The following ERAP2 variants were observed in gnomAD, a reference collection of about 807,000 sequenced individuals.
ERAP2 encodes the protein endoplasmic reticulum aminopeptidase 2, also known as leukocyte-derived arginine aminopeptidase.
A neutral mutation model predicts 111.1 loss-of-function variants in ERAP2; 118 were observed. The observed-to-expected ratio is 1.06, with a 90% CI of 0.92 to 1.24. ERAP2 has a LOEUF of 1.24. Among genes scored for constraint, ERAP2 ranks in the 50% most tolerant of loss-of-function variants. The pLI is 0.00. For missense variants in ERAP2, 1,131 were observed against 1,125.8 expected (o/e 1.00, Z -0.07); for synonymous variants, 410 against 401.2 (o/e 1.02, Z -0.26).
intron 18 of ERAP2, among the ~76,000 whole-genome samples, chr5:96,916,751 A>T (rs1223761476): frequency 1.4e-5 from 2 of 143,190 alleles, no homozygotes; most frequent in Non-Finnish European, 3.0e-5. Context: ...TACAGGCGTG[A>T]GCCACCAGCC....
At chr5:96,892,568 AG>A (rs1784490822) in intron 6 of ERAP2, 115 bp downstream of exon 6, 1 of 1,221,982 alleles carries the variant, frequency 8.2e-7, no homozygotes, top group Non-Finnish European at 1.1e-6. Context: ...AGGGGAACTT[AG>A]AGACTACTAA....
chr5:96,884,064 ATCTATCTATCT>A lies in ERAP2; in HGVS notation c.714+135_714+145del, dbSNP rs1455816645. On this transcript the variant is annotated intron_variant, in intron 3 of 18. Coordinates refer to ENST00000437043, the MANE Select transcript of ERAP2 (RefSeq NM_022350.5). ...TATCTATCTATCTATCTATCTATCT[ATCTATCTATCT>A]ATCTATCATCATAATTTCAATCATT... is the stretch of plus-strand genomic sequence containing the variant. The A allele has an allele frequency of 1.4e-3, 887 of 631,990 alleles. 6 individuals are homozygous for A. The African/African-American group carries it at 0.016, about 11-fold the overall frequency. The allele number at this position is 631,990 out of a possible 1,614,324, so 39.1% of individuals were successfully genotyped here. A position where few individuals can be genotyped will look rare whatever the true frequency, so the allele number is the denominator to read the frequency against.
chr5:96,900,052 T>C (rs921606017), intron 9 of ERAP2, 69 bp from the exon 10 acceptor site: 5 of 1,562,124 alleles, frequency 3.2e-6, no homozygotes, highest in Admixed American at 1.7e-5. Context: ...CCTGCATCCA[T>C]GGCTAATGTG....
At chr5:96,888,164 A>AGG (rs1554055805) in intron 4 of ERAP2, among the ~76,000 whole-genome samples, 1 of 149,786 alleles carries the variant, frequency 6.7e-6, no homozygotes, top group African/African-American at 2.5e-5. Context: ...AAAAGAAAAA[A>AGG]AAAGAAAAAT....
intron 5 of ERAP2, among the ~76,000 whole-genome samples, 153 bp from the exon 6 acceptor site, chr5:96,892,146 A>T (rs532733715): frequency 2.0e-5 from 3 of 152,318 alleles, no homozygotes; most frequent in South Asian, 4.1e-4. Context: ...CAGCGCAACT[A>T]TAAGACACCC....
intron 9 of ERAP2, 102 bp downstream of exon 9, chr5:96,896,965 T>TAAGTCATATGTTGGGTAACGATAGACTA: frequency 4.0e-6 from 4 of 987,684 alleles, no homozygotes; most frequent in East Asian, 3.1e-5. Context: ...GTCAACCATA[T>TAAGTCATATGTTGGGTAACGATAGACTA]TTATTCTGCT....
chr5:96,888,301 A>G (rs1783976201), intron 4 of ERAP2, among the ~76,000 whole-genome samples: 1 of 152,206 alleles, frequency 6.6e-6, no homozygotes, highest in African/African-American at 2.4e-5. Flanking sequence ...ATGCATAGAC[A>G]TGGATGTGCA....
At position 96,903,493 on chromosome 5, in the gene ERAP2, C is replaced by G; in HGVS notation, c.1945C>G (p.Gln649Glu). The change falls in exon 13 of 19, where the codon CAG becomes GAG. Residue 649 changes from glutamine to glutamate, a missense_variant. Physicochemically the swap from Gln to Glu is conservative, Grantham distance 29 (BLOSUM62 2). This residue lies in a region of ERAP2 where 847 missense variants were observed against 856.5 expected (regional missense o/e 0.99). Coordinates refer to ENST00000437043, the MANE Select transcript of ERAP2 (RefSeq NM_022350.5). ...GWDQLITQLN[Q>E]NHTLLRPKDR... ...GGACCAACTCATTACACAGCTGAAT[C>G]AGAACCACACACTTCTCAGACCTAA... is the stretch of plus-strand genomic sequence containing the variant. 2 of 1,614,042 alleles carry G rather than the reference C, an allele frequency of 1.2e-6. No homozygotes were observed. The highest frequency in any genetic ancestry group is 1.7e-6 in the Non-Finnish European group (2 of 1,179,942).
At position 96,880,116 on chromosome 5, in the gene ERAP2, C is replaced by T. The variant is rs1782980010; in HGVS notation, c.431C>T (p.Ala144Val). The T allele has an allele frequency of 6.2e-7, 1 of 1,614,134 alleles. No homozygotes were observed. The highest frequency in any genetic ancestry group is 1.3e-5 in the African/African-American group (1 of 75,056). Residue 144 changes from alanine to valine, a missense_variant, in exon 2 of 19, where the codon GCT becomes GTT. Physicochemically the swap from Ala to Val is moderately conservative, Grantham distance 64. This residue lies in a region of ERAP2 where 847 missense variants were observed against 856.5 expected (regional missense o/e 0.99). Transcript: ENST00000437043. ...GKELKVLSYP[A>V]HEQIALLVPE... ...GAACTGAAAGTTTTGAGTTACCCTGCTCATGAACAAATTGCACTGCTGGTT... is the reference window on the plus strand; with the variant it reads ...GAACTGAAAGTTTTGAGTTACCCTGTTCATGAACAAATTGCACTGCTGGTT...
intron 6 of ERAP2, among the ~76,000 whole-genome samples, chr5:96,894,980 G>A (rs1784721742): frequency 1.3e-5 from 2 of 151,946 alleles, no homozygotes; most frequent in African/African-American, 2.4e-5. Flanking sequence ...ACTAGGAAAT[G>A]TTGGGCAGAT....
rs145822963 is a variant in ERAP2 at position 96,903,532 on chromosome 5, C to T, written c.1984C>T (p.Leu662=). ...TLLRPKDRVG[L]IHDVFQLVGA... ...TCTCAGACCTAAGGACAGAGTAGGTCTGATTCATGATGTGTTTCAGCTAGT... is the reference window on the plus strand; with the variant it reads ...TCTCAGACCTAAGGACAGAGTAGGTTTGATTCATGATGTGTTTCAGCTAGT... Residue 662 remains leucine (L), a synonymous_variant, in exon 13 of 19, where the codon CTG becomes TTG. Coordinates refer to ENST00000437043, the MANE Select transcript of ERAP2 (RefSeq NM_022350.5). The T allele has an allele frequency of 2.6e-4, 416 of 1,608,652 alleles. 1 individual carries two copies. In the African/African-American group the frequency reaches 5.0e-3, roughly 19 times the overall value.
chr5:96,912,725 T>C lies in ERAP2; in HGVS notation c.2443T>C (p.Ser815Pro). 1 of 1,603,860 alleles carries C rather than the reference T, an allele frequency of 6.2e-7. No individual in the cohort carries two copies. The highest frequency in any genetic ancestry group is 1.8e-5 in the Admixed American group (1 of 57,142). ...TTACCTTTTAGAGCAATATGAACTG[T>C]CAATGTCAAGTGCTGAACAAAACAA... ...WNYLLEQYEL[S>P]MSSAEQNKIL... Residue 815 changes from serine (S) to proline (P), a missense_variant, in exon 16 of 19, where the codon TCA (serine) becomes CCA (proline). Ser to Pro is a moderately conservative substitution (Grantham distance 74). Coordinates refer to ENST00000437043, the MANE Select transcript of ERAP2 (RefSeq NM_022350.5).
intron 7 of ERAP2, 22 bp downstream of exon 7, chr5:96,895,381 T>C: frequency 7.1e-7 from 1 of 1,410,752 alleles, no homozygotes; most frequent in Non-Finnish European, 1.0e-6. Flanking sequence ...ATTCTGTGTA[T>C]CATACTATAT....
chr5:96,903,726 G>GACCCAC (rs148064073), intron 13 of ERAP2, among the ~76,000 whole-genome samples, 166 bp downstream of exon 13: 2,181 of 152,270 alleles, frequency 0.014, 51 homozygotes, highest in South Asian at 0.088. Context: ...AACGTATTTT[G>GACCCAC]ACCCACACAG....
intron 5 of ERAP2, 99 bp downstream of exon 5, chr5:96,889,404 A>C (rs541444314): frequency 2.2e-6 from 3 of 1,333,872 alleles, no homozygotes; most frequent in South Asian, 2.3e-5. Context: ...ATGAGCACTG[A>C]GGAATTCAGT....
At chr5:96,883,614 G>A (rs1321054294) in intron 2 of ERAP2, among the ~76,000 whole-genome samples, 178 bp from the exon 3 acceptor site, 2 of 152,172 alleles carry the variant, frequency 1.3e-5, no homozygotes, top group African/African-American at 4.8e-5. Flanking sequence ...ATTGATGGCT[G>A]CTAAATAAGA....
At chr5:96,887,335 C>T (rs1279078474) in intron 4 of ERAP2, among the ~76,000 whole-genome samples, 1 of 143,518 alleles carries the variant, frequency 7.0e-6, no homozygotes, top group Admixed American at 7.1e-5. Context: ...GAGTCTCACT[C>T]TGTTGGCCAG....
chr5:96,878,665 C>T (rs528431365), intron 1 of ERAP2, among the ~76,000 whole-genome samples: 5 of 152,196 alleles, frequency 3.3e-5, no homozygotes, highest in East Asian at 1.9e-4. Context: ...CAGTGACCCA[C>T]GCCTGTGATC....
Position 96,883,823 on chromosome 5 carries a change from C to G in ERAP2, c.607C>G (p.Gln203Glu), listed in dbSNP as rs1193534739. The change falls in exon 3 of 19, where the codon CAG becomes GAG. Residue 203 changes from glutamine to glutamate, a missense_variant. By Grantham distance (29) the Gln-to-Glu change is conservative. Coordinates refer to ENST00000437043, the MANE Select transcript of ERAP2 (RefSeq NM_022350.5). ...TGCAGTAACAGATTTTGAGCCAACCCAGGCACGCATGGCTTTCCCTTGCTT... is the reference window on the plus strand; with the variant it reads ...TGCAGTAACAGATTTTGAGCCAACCGAGGCACGCATGGCTTTCCCTTGCTT... The part of the protein sequence containing the change: ...ILAVTDFEPT[Q>E]ARMAFPCFDE... 1.2e-6 allele frequency: 2 copies of G among 1,613,056 alleles called. No homozygotes were observed. The highest frequency in any genetic ancestry group is 2.2e-5 in the South Asian group (2 of 90,750).
Sources: allele counts gnomAD v4.1 joint callset (sites outside exome capture counted in the v4.1 genomes callset), GRCh38; gene constraint gnomAD v4.1.1; regional missense constraint gnomAD v4.1.1; transcripts MANE v1.5; gene names NCBI Gene and HGNC (gene_info 2026-07-23, HGNC 2026-07-21).